The following ITPR1 variants were observed in gnomAD, a reference collection of about 807,000 sequenced individuals.
ITPR1 encodes the protein inositol 1,4,5-trisphosphate-gated calcium channel ITPR1.
A neutral mutation model predicts 318.4 loss-of-function variants in ITPR1; 96 were observed. That is an observed-to-expected ratio of 0.30 (90% CI 0.26 to 0.36). ITPR1 has a LOEUF of 0.36. ITPR1 is among the 10% of genes least tolerant of loss of function. The probability of loss-of-function intolerance (pLI) is 1.00; values close to 1 mark genes in which losing one functional copy is unlikely to be tolerated. For missense variants in ITPR1, 2,440 were observed against 3,460.2 expected (o/e 0.71, Z 7.40); for synonymous variants, 1,312 against 1,289.9 (o/e 1.02, Z -0.37).
At chr3:4,806,783 T>C (rs975295460) in intron 55 of ITPR1, among the ~76,000 whole-genome samples, 4 of 152,138 alleles carry the variant, frequency 2.6e-5, no homozygotes, top group Admixed American at 1.3e-4. Flanking sequence ...TCCTCCGATA[T>C]GAGCCAAGTG....
Position 4,721,021 on chromosome 3 carries a change from A to C in ITPR1, c.5136+3622A>C, listed in dbSNP as rs141181280. Among the ~76,000 whole-genome samples the C allele has an allele frequency of 3.7e-3, 557 of 151,832 alleles. 2 individuals are homozygous for C. Among genetic ancestry groups the C allele is most frequent in the African/African-American group, 0.013 (528 of 41,306 alleles). The stretch of plus-strand genomic sequence containing the variant: ...TTCAGCAGTAATTGCCAATAAATGC[A>C]GTGGGGCTGTTTACTGTTAGACACT... On this transcript the variant is annotated intron_variant, in intron 40 of 61. Coordinates refer to ENST00000649015, the MANE Select transcript of ITPR1 (RefSeq NM_001378452.1).
intron 4 of ITPR1, among the ~76,000 whole-genome samples, chr3:4,558,687 T>C (rs549570779): frequency 8.8e-4 from 134 of 152,324 alleles, no homozygotes; most frequent in African/African-American, 2.9e-3. Flanking sequence ...ACTATGAATA[T>C]GTCTTCTCTG....
intron 4 of ITPR1, among the ~76,000 whole-genome samples, chr3:4,551,173 C>G (rs1014417592): frequency 5.9e-5 from 9 of 152,162 alleles, no homozygotes; most frequent in Admixed American, 5.2e-4. Context: ...AGGGAAGTGC[C>G]TTTTCTGCAA....
Position 4,726,187 on chromosome 3 carries a change from G to A in ITPR1, c.5172+606G>A, listed in dbSNP as rs137948522. ...TGGGATTACAGGCATGTGCAACAAC[G>A]CTCAGCGAATTTTTGTATTTTTAGT... On this transcript the variant is annotated intron_variant, in intron 41 of 61. Transcript: ENST00000649015. Among the ~76,000 whole-genome samples, 1,151 of 152,110 alleles carry A rather than the reference G, an allele frequency of 7.6e-3. 10 individuals are homozygous for A. Among genetic ancestry groups the A allele is most frequent in the African/African-American group, 0.026 (1,068 of 41,498 alleles).
At chr3:4,697,455 C>CTTTTTTTTTTTTTTTTTTT (rs369934199) in intron 34 of ITPR1, among the ~76,000 whole-genome samples, 183 bp downstream of exon 34, 2 of 86,784 alleles carry the variant, frequency 2.3e-5, no homozygotes, top group Non-Finnish European at 5.0e-5. Context: ...TCCTTTCTTC[C>CTTTTTTTTTTTTTTTTTTT]TTTTTTTTTT....
intron 61 of ITPR1, among the ~76,000 whole-genome samples, chr3:4,845,281 C>T (rs1484581369): frequency 1.3e-5 from 2 of 152,176 alleles, no homozygotes; most frequent in East Asian, 3.9e-4. Context: ...GCCTTTTTAT[C>T]TCAGTTGACT....
At chr3:4,728,503 T>G (rs2042683495) in intron 42 of ITPR1, among the ~76,000 whole-genome samples, 2 of 152,188 alleles carry the variant, frequency 1.3e-5, no homozygotes, top group African/African-American at 4.8e-5. Flanking sequence ...GTACATGAGA[T>G]GTTTTGACAC....
chr3:4,711,485 T>A, intron 38 of ITPR1: 1 of 355,704 alleles, frequency 2.8e-6, no homozygotes, highest in Non-Finnish European at 5.2e-6. Context: ...GACCTCTGTC[T>A]CGGTTCTCCT....
chr3:4,535,271 A>G (rs1314738500), intron 4 of ITPR1, among the ~76,000 whole-genome samples: 1 of 152,122 alleles, frequency 6.6e-6, no homozygotes, highest in Non-Finnish European at 1.5e-5. Flanking sequence ...CAGCTTGCTG[A>G]GAGAGCAAAA....
chr3:4,723,419 A>G (rs2042301576), intron 40 of ITPR1, among the ~76,000 whole-genome samples: 1 of 152,206 alleles, frequency 6.6e-6, no homozygotes, highest in Non-Finnish European at 1.5e-5. Context: ...CGGCTTCGTA[A>G]AATTTTCAAG....
At chr3:4,537,805 G>A (rs923764919) in intron 4 of ITPR1, among the ~76,000 whole-genome samples, 1 of 152,216 alleles carries the variant, frequency 6.6e-6, no homozygotes, top group Non-Finnish European at 1.5e-5. Flanking sequence ...ATGACTTTGA[G>A]AGAGTAGATT....
chr3:4,603,936 A>G (rs1343440261), intron 4 of ITPR1, among the ~76,000 whole-genome samples: 1 of 152,168 alleles, frequency 6.6e-6, no homozygotes, highest in Non-Finnish European at 1.5e-5. Context: ...ACTAATTTAC[A>G]TTTCTACCAA....
chr3:4,766,114 G>T (rs1446763677), intron 44 of ITPR1, among the ~76,000 whole-genome samples: 1 of 152,208 alleles, frequency 6.6e-6, no homozygotes, highest in African/African-American at 2.4e-5. Flanking sequence ...ATTTTTCATA[G>T]GGCTCTGCCC....
intron 33 of ITPR1, among the ~76,000 whole-genome samples, chr3:4,696,086 C>T (rs1453815588): frequency 1.3e-5 from 2 of 152,086 alleles, no homozygotes; most frequent in Non-Finnish European, 1.5e-5. Context: ...ATGATAGTAT[C>T]GCATACCAGC....
intron 49 of ITPR1, chr3:4,782,190 T>A (rs2046880854): frequency 6.5e-6 from 1 of 153,586 alleles, no homozygotes; most frequent in African/African-American, 2.4e-5. Context: ...CAGCTATTCC[T>A]AAATGTGAAT....
rs1294614982 is a variant in ITPR1 at position 4,567,615 on chromosome 3, T to TTG, written c.163+46522_163+46523insGT. Among the ~76,000 whole-genome samples, 5 of 145,222 alleles carry TTG rather than the reference T, an allele frequency of 3.4e-5. No individual in the cohort carries two copies. In the South Asian group the frequency reaches 7.4e-4, roughly 22 times the overall value. Reference sequence around the variant, plus strand: ...GACGCTTGAGCTAGTTTTTTTTGGTTTCTTTTTTGAGACGGGGTCTTACTC... The same window carrying TTG: ...GACGCTTGAGCTAGTTTTTTTTGGTTTGTCTTTTTTGAGACGGGGTCTTACTC... On this transcript the variant is annotated intron_variant, in intron 4 of 61. Transcript: ENST00000649015.
At chr3:4,640,236 A>G (rs1188721553) in intron 6 of ITPR1, among the ~76,000 whole-genome samples, 1 of 152,244 alleles carries the variant, frequency 6.6e-6, no homozygotes, top group Non-Finnish European at 1.5e-5. Flanking sequence ...TACTAATTAC[A>G]TAGGAGTCCT....
chr3:4,774,269 C>T (rs2046353373), intron 46 of ITPR1, among the ~76,000 whole-genome samples: 2 of 152,170 alleles, frequency 1.3e-5, no homozygotes, highest in South Asian at 4.1e-4. Flanking sequence ...AATTTATTTA[C>T]TCCTCAATTG....
intron 47 of ITPR1, among the ~76,000 whole-genome samples, chr3:4,776,061 C>T (rs2046464461): frequency 6.6e-6 from 1 of 152,048 alleles, no homozygotes; most frequent in South Asian, 2.1e-4. Flanking sequence ...TTGCATTGTG[C>T]TAGGTTGAGT....
Sources: gnomAD v4.1 joint callset for allele counts (sites outside exome capture counted in the v4.1 genomes callset) on GRCh38, gnomAD v4.1.1 for gene constraint, MANE v1.5 for transcripts, NCBI Gene and HGNC (gene_info 2026-07-23, HGNC 2026-07-21) for gene names.